The following SDAD1 variants were observed in gnomAD, a reference collection of about 807,000 sequenced individuals.
SDAD1 encodes the protein protein SDA1 homolog.
SDAD1 carries 79 observed loss-of-function variants against 100.3 expected under a neutral mutation model. The ratio of observed to expected loss-of-function variants is 0.79; its 90% CI spans 0.66 to 0.95. The LOEUF is 0.95. Ranked by LOEUF, SDAD1 falls within the 40% of genes least tolerant of loss-of-function variation. The probability of loss-of-function intolerance (pLI) is 0.00; values close to 1 mark genes in which losing one functional copy is unlikely to be tolerated. For missense variants in SDAD1, 790 were observed against 810.9 expected (o/e 0.97, Z 0.31); for synonymous variants, 267 against 271.4 (o/e 0.98, Z 0.16).
intron 21 of SDAD1, among the ~76,000 whole-genome samples, chr4:75,954,705 C>T (rs1728794689): frequency 6.6e-6 from 1 of 152,132 alleles, no homozygotes; most frequent in South Asian, 2.1e-4. Flanking sequence ...GTTGGGCTGC[C>T]AGAATGAGCC....
intron 8 of SDAD1, 30 bp from the exon 9 acceptor site, chr4:75,971,488 A>T: frequency 6.7e-7 from 1 of 1,500,206 alleles, no homozygotes; most frequent in Non-Finnish European, 9.3e-7. Context: ...GTAAAATTGT[A>T]AACAAGGAAA....
intron 1 of SDAD1, among the ~76,000 whole-genome samples, chr4:75,986,051 C>G (rs541577787): frequency 6.6e-6 from 1 of 152,288 alleles, no homozygotes; most frequent in Admixed American, 6.5e-5. Flanking sequence ...CTTTCCTTCT[C>G]TACAGCTATA....
chr4:75,955,087 G>A (rs1050107170), intron 21 of SDAD1, among the ~76,000 whole-genome samples: 1 of 152,108 alleles, frequency 6.6e-6, no homozygotes, highest in African/African-American at 2.4e-5. Context: ...GTAGGTTATG[G>A]ATAGACTGTG....
chr4:75,988,689 T>C (rs560234224), intron 1 of SDAD1, among the ~76,000 whole-genome samples: 1 of 152,334 alleles, frequency 6.6e-6, no homozygotes, highest in African/African-American at 2.4e-5. Context: ...CCCAGCATTG[T>C]GCCTTACATA....
intron 17 of SDAD1, 28 bp from the exon 18 acceptor site, chr4:75,957,969 G>T: frequency 6.4e-7 from 1 of 1,556,234 alleles, no homozygotes; most frequent in Non-Finnish European, 8.9e-7. Flanking sequence ...ACCCACTACT[G>T]CCATTTTATG....
Position 75,953,850 on chromosome 4 carries a change from G to A in SDAD1, c.2016+2125C>T, listed in dbSNP as rs141028006. 1.1e-4 allele frequency among the ~76,000 whole-genome samples: 16 copies of A among 152,242 alleles called. No individual in the cohort carries two copies. The East Asian group carries it at 3.1e-3, about 29-fold the overall frequency. ...ACCACAAGGAGAGAAAGATACAAAA[G>A]CATAAACTTGTTTTATCACAATGAA... On this transcript the variant is annotated intron_variant, in intron 21 of 21. Coordinates refer to ENST00000356260, the MANE Select transcript of SDAD1 (RefSeq NM_018115.4).
chr4:75,976,603 G>GT (rs1730171450), intron 4 of SDAD1, among the ~76,000 whole-genome samples: 1 of 152,118 alleles, frequency 6.6e-6, no homozygotes, highest in African/African-American at 2.4e-5. Context: ...TTGGAATAGA[G>GT]TTTCTTTTGG....
At chr4:75,960,320 A>T in intron 16 of SDAD1, 128 bp from the exon 17 acceptor site, 1 of 853,768 alleles carries the variant, frequency 1.2e-6, no homozygotes, top group Non-Finnish European at 1.7e-6. Context: ...TCTGTTGCCC[A>T]GACTGGAGTG....
At chr4:75,955,392 C>T (rs905083433) in intron 21 of SDAD1, among the ~76,000 whole-genome samples, 4 of 152,122 alleles carry the variant, frequency 2.6e-5, no homozygotes, top group Non-Finnish European at 4.4e-5. Context: ...TTTTATTTCT[C>T]CACCTGCCTT....
chr4:75,961,366 A>G, intron 14 of SDAD1, 58 bp from the exon 15 acceptor site: 1 of 1,220,248 alleles, frequency 8.2e-7, no homozygotes, highest in South Asian at 1.3e-5. Context: ...TCATGATTCA[A>G]CACAGGAAGA....
intron 14 of SDAD1, among the ~76,000 whole-genome samples, chr4:75,962,401 C>T (rs894952637): frequency 1.3e-5 from 2 of 152,146 alleles, no homozygotes; most frequent in Non-Finnish European, 2.9e-5. Context: ...TATAATCCTT[C>T]GGGTATATAC....
At chr4:75,988,182 A>T (rs1170455496) in intron 1 of SDAD1, among the ~76,000 whole-genome samples, 1 of 152,104 alleles carries the variant, frequency 6.6e-6, no homozygotes, top group Admixed American at 6.5e-5. Flanking sequence ...CATACAGTCT[A>T]TCCTCAAGTA....
chr4:75,986,583 T>G (rs1730908389), intron 1 of SDAD1, among the ~76,000 whole-genome samples: 1 of 152,156 alleles, frequency 6.6e-6, no homozygotes, highest in African/African-American at 2.4e-5. Flanking sequence ...TGCATTAGAT[T>G]CTAAACCCTG....
At chr4:75,970,454 C>CTGT in intron 9 of SDAD1, 76 bp from the exon 10 acceptor site, 1 of 1,104,170 alleles carries the variant, frequency 9.1e-7, no homozygotes, top group Non-Finnish European at 1.4e-6. Flanking sequence ...GCTAATAAGG[C>CTGT]TGTTATAAGT....
rs149750866 is a variant in SDAD1 at position 75,989,602 on chromosome 4, C to T, written c.90+1150G>A. On this transcript the variant is annotated intron_variant, in intron 1 of 21. Transcript: ENST00000356260. ...CATAGGCTCAGCGATTAACCTGCTT[C>T]GGTTACACAACTGGTTAACAACAGT... is the stretch of plus-strand genomic sequence containing the variant. Among the ~76,000 whole-genome samples, 410 of 152,342 alleles carry T rather than the reference C, an allele frequency of 2.7e-3. 2 individuals are homozygous for T. Among genetic ancestry groups the T allele is most frequent in the Non-Finnish European group, 3.4e-3 (234 of 68,036 alleles).
intron 11 of SDAD1, 136 bp from the exon 12 acceptor site, chr4:75,967,470 T>C (rs957043924): frequency 4.2e-6 from 3 of 714,318 alleles, no homozygotes; most frequent in Non-Finnish European, 7.3e-6. Context: ...AATCATGCCC[T>C]AGGATGATTC....
intron 1 of SDAD1, among the ~76,000 whole-genome samples, chr4:75,984,472 C>CT (rs1412163646): frequency 5.9e-5 from 9 of 152,056 alleles, no homozygotes; most frequent in Non-Finnish European, 1.2e-4. Context: ...TGGCTCCCCT[C>CT]TTTTTTTACC....
chr4:75,964,104 T>C (rs1729401016), intron 14 of SDAD1, 31 bp downstream of exon 14: 2 of 1,414,860 alleles, frequency 1.4e-6, no homozygotes, highest in African/African-American at 1.4e-5. Flanking sequence ...TTAAACAATG[T>C]ATCTTCTGCC....
At chr4:75,965,046 G>A (rs1020833459) in intron 13 of SDAD1, among the ~76,000 whole-genome samples, 1 of 152,206 alleles carries the variant, frequency 6.6e-6, no homozygotes, top group Non-Finnish European at 1.5e-5. Context: ...CTGGCTGCCT[G>A]AGAGCCAGGC....
Sources: allele counts gnomAD v4.1 joint callset (sites outside exome capture counted in the v4.1 genomes callset), GRCh38; gene constraint gnomAD v4.1.1; transcripts MANE v1.5; gene names NCBI Gene and HGNC (gene_info 2026-07-23, HGNC 2026-07-21).